DLGAP2: variants seen among roughly 807,000 people sequenced by gnomAD.
DLGAP2 encodes the protein disks large-associated protein 2.
DLGAP2 carries 26 observed loss-of-function variants against 100.3 expected under a neutral mutation model. That is an observed-to-expected ratio of 0.26 (90% confidence interval 0.19 to 0.36). The LOEUF is 0.36. Among genes scored for constraint, DLGAP2 ranks in the 10% least tolerant of loss-of-function variants. The pLI, the probability that DLGAP2 is intolerant of heterozygous loss-of-function variation, is 1.00. For missense variants in DLGAP2, 1,858 were observed against 1,453.2 expected (o/e 1.28, Z -4.53); for synonymous variants, 886 against 630.1 (o/e 1.41, Z -6.08).
intron 12 of DLGAP2, among the ~76,000 whole-genome samples, chr8:1,689,344 C>A (rs571735804): frequency 6.6e-6 from 1 of 152,342 alleles, no homozygotes; most frequent in East Asian, 1.9e-4. Context: ...GAGCTCCAAG[C>A]ACCTGCATGT....
chr8:1,255,530 G>A (rs1370012990), intron 2 of DLGAP2, among the ~76,000 whole-genome samples: 87 of 122,964 alleles, frequency 7.1e-4, no homozygotes, highest in South Asian at 2.4e-3. Context: ...TCTCCTGCCT[G>A]GGAGCTGTGT....
chr8:1,180,514 C>G (rs1291590100), intron 2 of DLGAP2, among the ~76,000 whole-genome samples: 1 of 152,160 alleles, frequency 6.6e-6, no homozygotes, highest in Non-Finnish European at 1.5e-5. Context: ...TGTGTTGCAT[C>G]ACCATGGATT....
chr8:1,476,811 G>A (rs1261389627), intron 3 of DLGAP2, among the ~76,000 whole-genome samples: 2 of 150,978 alleles, frequency 1.3e-5, no homozygotes, highest in South Asian at 2.1e-4. Context: ...ACCCGTGATG[G>A]CTGAGTGCTG....
chr8:1,209,505 C>T (rs1175374721), intron 2 of DLGAP2, among the ~76,000 whole-genome samples: 1 of 152,162 alleles, frequency 6.6e-6, no homozygotes, highest in African/African-American at 2.4e-5. Context: ...GTCAATGTTT[C>T]TTGAGTGAAT....
intron 2 of DLGAP2, among the ~76,000 whole-genome samples, chr8:981,628 G>A (rs960361758): frequency 2.6e-5 from 4 of 152,218 alleles, no homozygotes; most frequent in Admixed American, 6.5e-5. Context: ...GTGAGTGTGA[G>A]GTGGTATCTC....
intron 2 of DLGAP2, among the ~76,000 whole-genome samples, chr8:943,193 T>C (rs777744834): frequency 2.6e-5 from 4 of 152,214 alleles, no homozygotes; most frequent in Non-Finnish European, 4.4e-5. Context: ...GAGAAATGTT[T>C]ACCAGTTGAG....
At chr8:1,032,114 C>T (rs1801991685) in intron 2 of DLGAP2, among the ~76,000 whole-genome samples, 1 of 152,264 alleles carries the variant, frequency 6.6e-6, no homozygotes, top group South Asian at 2.1e-4. Context: ...GCCCCTGGGT[C>T]TGCAGTATGC....
At chr8:809,422 G>A (rs1177353665) in intron 1 of DLGAP2, among the ~76,000 whole-genome samples, 1 of 149,790 alleles carries the variant, frequency 6.7e-6, no homozygotes, top group African/African-American at 2.4e-5. Context: ...TACGTCATCA[G>A]TAACGTGCTT....
At chr8:1,317,532 C>T (rs1404125695) in intron 3 of DLGAP2, among the ~76,000 whole-genome samples, 256 of 133,944 alleles carry the variant, frequency 1.9e-3, no homozygotes, top group African/African-American at 7.3e-3. Flanking sequence ...AGAGGCTGTG[C>T]GAGTGCAGCG....
intron 2 of DLGAP2, chr8:927,194 A>C: frequency 7.1e-6 from 7 of 985,462 alleles, no homozygotes; most frequent in Non-Finnish European, 8.4e-6. Context: ...GAAAACTCCT[A>C]CAAAGGTAAG....
intron 2 of DLGAP2, among the ~76,000 whole-genome samples, chr8:1,146,696 G>GA (rs1676225164): frequency 6.6e-6 from 1 of 151,994 alleles, no homozygotes; most frequent in African/African-American, 2.4e-5. Context: ...TGTGTAGGGA[G>GA]AGGGGGGGCT....
chr8:1,694,856 C>CTT (rs56181723), intron 13 of DLGAP2, among the ~76,000 whole-genome samples: 4 of 148,558 alleles, frequency 2.7e-5, no homozygotes, highest in African/African-American at 7.4e-5. Flanking sequence ...CAACCATTGA[C>CTT]TTTTTTTTTT....
chr8:965,373 C>A (rs1799831612), intron 2 of DLGAP2, among the ~76,000 whole-genome samples: 1 of 60,874 alleles, frequency 1.6e-5, no homozygotes, highest in African/African-American at 7.8e-5. Context: ...GACCCCTGCG[C>A]TGTACACGGC....
intron 1 of DLGAP2, among the ~76,000 whole-genome samples, chr8:799,242 C>T (rs769598775): frequency 9.9e-5 from 15 of 152,156 alleles, no homozygotes; most frequent in Non-Finnish European, 1.6e-4. Context: ...TCGTCAGCAC[C>T]GTCACAGCTC....
At chr8:750,191 G>T (rs1458676892) in intron 1 of DLGAP2, among the ~76,000 whole-genome samples, 1 of 152,238 alleles carries the variant, frequency 6.6e-6, no homozygotes, top group African/African-American at 2.4e-5. Context: ...TGAGTCTGGA[G>T]GCCGTTGCCA....
At position 1,668,315 on chromosome 8, in the gene DLGAP2, T is replaced by G. The variant is rs369584884; in HGVS notation, c.1811-14T>G. On this transcript the variant is annotated splice_polypyrimidine_tract_variant and intron_variant, in intron 8 of 14. Transcript: ENST00000637795. Reference sequence around the variant, plus strand: ...AGAACACGCCTGTTGACTTGGGACTTTCTTTTCTTACAGCTGTCTCATATA... The same window carrying G: ...AGAACACGCCTGTTGACTTGGGACTGTCTTTTCTTACAGCTGTCTCATATA... 1 of 1,468,840 alleles carries G rather than the reference T, an allele frequency of 6.8e-7. No individual in the cohort carries two copies. 91.0% of individuals were successfully genotyped at this position (1,468,840 alleles called of 1,614,324 possible). A position where few individuals can be genotyped will look rare whatever the true frequency, so the allele number is the denominator to read the frequency against.
At chr8:1,030,905 A>C (rs1801953234) in intron 2 of DLGAP2, among the ~76,000 whole-genome samples, 1 of 152,254 alleles carries the variant, frequency 6.6e-6, no homozygotes, top group Non-Finnish European at 1.5e-5. Flanking sequence ...CCCCGAGGTC[A>C]GTTCTGAGAA....
At chr8:1,002,702 A>G (rs1800995103) in intron 2 of DLGAP2, 1 of 152,274 alleles carries the variant, frequency 6.6e-6, no homozygotes, top group African/African-American at 2.4e-5. Context: ...ACAAGATAGA[A>G]AAGCAAACCA....
At chr8:982,437 G>A (rs925989069) in intron 2 of DLGAP2, among the ~76,000 whole-genome samples, 3 of 152,142 alleles carry the variant, frequency 2.0e-5, no homozygotes, top group Non-Finnish European at 2.9e-5. Flanking sequence ...GCAATCAGTC[G>A]ATGGTTTGAG....
Sources: gnomAD v4.1 joint callset for allele counts (sites outside exome capture counted in the v4.1 genomes callset) on GRCh38, gnomAD v4.1.1 for gene constraint, MANE v1.5 for transcripts, NCBI Gene and HGNC (gene_info 2026-07-23, HGNC 2026-07-21) for gene names.